Variants in AP4E1 observed in about 807,000 individuals in gnomAD.
AP4E1 encodes AP-4 complex subunit epsilon-1.
Under a neutral mutation model 128.2 loss-of-function variants are expected in AP4E1, and 56 were observed. The observed-to-expected ratio is 0.44, with a 90% CI of 0.35 to 0.55. The LOEUF is 0.55. Among genes scored for constraint, AP4E1 ranks in the 20% least tolerant of loss-of-function variants. The pLI is 0.00. For missense variants in AP4E1, 1,324 were observed against 1,307.7 expected, an observed-to-expected ratio of 1.01 and a Z score of -0.19; for synonymous variants, 484 against 473.1, an observed-to-expected ratio of 1.02 and a Z score of -0.30.
intron 3 of AP4E1, among the ~76,000 whole-genome samples, chr15:50,922,548 G>A (rs1475180731): frequency 6.6e-6 from 1 of 152,180 alleles, no homozygotes; most frequent in Non-Finnish European, 1.5e-5. Flanking sequence ...CAGCATGGAT[G>A]CTGGGTAATG....
chr15:50,933,306 A>G (rs1416269019), intron 7 of AP4E1, among the ~76,000 whole-genome samples: 2 of 152,174 alleles, frequency 1.3e-5, no homozygotes, highest in South Asian at 2.1e-4. Context: ...TTATTGCTCA[A>G]TGTAGCAAAG....
In AP4E1 at chr15:50,944,860, A is replaced by G. The variant is rs1449383904; in HGVS notation, c.1176+3085A>G. 5 of 775,200 alleles carry G rather than the reference A, an allele frequency of 6.4e-6. No individual in the cohort carries two copies. The East Asian group carries it at 7.3e-5, about 11-fold the overall frequency. The allele number at this position is 775,200 out of a possible 1,614,324, so 48.0% of individuals were successfully genotyped here. ...CTTGCTTTGCTGGATGGTCACCAAG[A>G]TGGAGTCAGTTGCTTGGCAAAGCAT... On this transcript the variant is annotated intron_variant, in intron 10 of 20. Coordinates refer to ENST00000261842, the MANE Select transcript of AP4E1 (RefSeq NM_007347.5).
intron 20 of AP4E1, 54 bp from the exon 21 acceptor site, chr15:51,002,448 T>C: frequency 1.3e-6 from 2 of 1,584,086 alleles, no homozygotes; most frequent in South Asian, 2.2e-5. Context: ...CTTGGAGAAA[T>C]GTCTGTTTAA....
chr15:50,920,095 AG>A (rs1406745087), intron 3 of AP4E1, among the ~76,000 whole-genome samples: 37 of 143,870 alleles, frequency 2.6e-4, no homozygotes, highest in Middle Eastern at 3.6e-3. Flanking sequence ...AAAAAAAAAA[AG>A]ATAAAATTTA....
At chr15:50,929,897 A>G (rs966508022) in intron 6 of AP4E1, among the ~76,000 whole-genome samples, 5 of 152,116 alleles carry the variant, frequency 3.3e-5, no homozygotes, top group Non-Finnish European at 7.4e-5. Context: ...CCCTTGATAC[A>G]TAATAAAAAT....
chr15:50,925,765 G>T (rs2063761670), intron 5 of AP4E1, among the ~76,000 whole-genome samples: 2 of 151,036 alleles, frequency 1.3e-5, no homozygotes, highest in Admixed American at 1.3e-4. Flanking sequence ...ATGTAGCTAG[G>T]ATTACAGGTG....
intron 13 of AP4E1, among the ~76,000 whole-genome samples, chr15:50,951,322 G>A (rs572945463): frequency 6.6e-6 from 1 of 152,338 alleles, no homozygotes; most frequent in African/African-American, 2.4e-5. Flanking sequence ...CTTGCATACT[G>A]TTAACTGTAG....
intron 3 of AP4E1, among the ~76,000 whole-genome samples, chr15:50,923,726 T>C (rs560795576): frequency 2.8e-4 from 43 of 152,332 alleles, no homozygotes; most frequent in African/African-American, 9.6e-4. Context: ...GAATATCCTA[T>C]GAAATACATA....
intron 16 of AP4E1, among the ~76,000 whole-genome samples, chr15:50,990,344 T>TTTATTATTATTATTA (rs67379169): frequency 0.12 from 17,486 of 140,988 alleles, 1,257 homozygotes; most frequent in East Asian, 0.31. Context: ...ATTTATTTAA[T>TTTATTATTATTATTA]TTATTATTAT....
chr15:50,935,772 A>C (rs1253772994), intron 8 of AP4E1, among the ~76,000 whole-genome samples: 1 of 152,238 alleles, frequency 6.6e-6, no homozygotes, highest in Non-Finnish European at 1.5e-5. Flanking sequence ...AAATTGAACT[A>C]GTTTAACTGA....
intron 14 of AP4E1, among the ~76,000 whole-genome samples, chr15:50,965,451 A>C (rs2064379578): frequency 6.6e-6 from 1 of 152,246 alleles, no homozygotes; most frequent in Non-Finnish European, 1.5e-5. Context: ...AGTGGGGTGC[A>C]CACAAATTGA....
Position 50,994,872 on chromosome 15 carries a change from C to T in AP4E1, c.2346+1247C>T, listed in dbSNP as rs568569512. 3.3e-5 allele frequency among the ~76,000 whole-genome samples: 5 copies of T among 152,198 alleles called. No individual in the cohort carries two copies. The South Asian group carries it at 8.3e-4, about 25-fold the overall frequency. ...AGATTTTTTGTGGTGAGTTTGAAAT[C>T]GGAAATATTATTAGGATGTTTTTTC... On this transcript the variant is annotated intron_variant, in intron 17 of 20. Transcript: ENST00000261842.
chr15:50,963,613 T>G (rs977775296), intron 14 of AP4E1, among the ~76,000 whole-genome samples: 2 of 152,140 alleles, frequency 1.3e-5, no homozygotes, highest in Non-Finnish European at 2.9e-5. Context: ...GTAACATACC[T>G]AGATAAGAGG....
At chr15:50,939,336 G>A (rs2063951753) in intron 8 of AP4E1, among the ~76,000 whole-genome samples, 3 of 152,040 alleles carry the variant, frequency 2.0e-5, no homozygotes, top group African/African-American at 7.2e-5. Context: ...AGCTGGCCAT[G>A]ATGGTGCACG....
At chr15:50,986,624 A>G (rs997164986) in intron 16 of AP4E1, among the ~76,000 whole-genome samples, 6 of 152,120 alleles carry the variant, frequency 3.9e-5, no homozygotes, top group Non-Finnish European at 7.4e-5. Flanking sequence ...TGATTTGTGT[A>G]TATTGAACCA....
At position 50,964,478 on chromosome 15, in the gene AP4E1, C is replaced by CT. The variant is rs577854405; in HGVS notation, c.1852-3778dup. On this transcript the variant is annotated intron_variant, in intron 14 of 20. Transcript: ENST00000261842. The stretch of plus-strand genomic sequence containing the variant: ...TTTTTTCAAGCATTTTATATATTTC[C>CT]TTTTTTTGGGATCTGTCACTGGAGA... Among the ~76,000 whole-genome samples, 8 of 150,396 alleles carry CT rather than the reference C, an allele frequency of 5.3e-5. No homozygotes were observed. The South Asian group carries it at 1.7e-3, about 32-fold the overall frequency.
At chr15:50,994,370 G>C (rs1248065543) in intron 17 of AP4E1, among the ~76,000 whole-genome samples, 2 of 152,020 alleles carry the variant, frequency 1.3e-5, no homozygotes, top group African/African-American at 4.8e-5. Context: ...ATTTTGATTA[G>C]AGTGACATCC....
intron 16 of AP4E1, among the ~76,000 whole-genome samples, chr15:50,984,994 A>G (rs1234666663): frequency 5.9e-5 from 9 of 151,876 alleles, no homozygotes; most frequent in East Asian, 5.8e-4. Flanking sequence ...TTTAATGATC[A>G]CCATTCTAAC....
chr15:50,909,868 G>T (rs1472022267), intron 1 of AP4E1, among the ~76,000 whole-genome samples: 1 of 152,102 alleles, frequency 6.6e-6, no homozygotes, highest in Non-Finnish European at 1.5e-5. Context: ...TGTACTTTTC[G>T]TAGAGACGGG....
Sources: allele counts gnomAD v4.1 joint callset (sites outside exome capture counted in the v4.1 genomes callset), GRCh38; gene constraint gnomAD v4.1.1; transcripts MANE v1.5; gene names NCBI Gene and HGNC (gene_info 2026-07-23, HGNC 2026-07-21).